ARK2N: variants seen among roughly 807,000 people sequenced by gnomAD.
ARK2N encodes the protein arkadia (RNF111) N-terminal like PKA signaling regulator 2N.
chr18:46,249,062 G>C, the ARK2N span, among the ~76,000 whole-genome samples: 5 of 152,156 alleles, frequency 3.3e-5, no homozygotes, highest in Non-Finnish European at 7.3e-5. Flanking sequence ...TTACCTGGCA[G>C]AGTCTGATCC....
the ARK2N span, among the ~76,000 whole-genome samples, chr18:46,230,252 T>C: frequency 6.6e-6 from 1 of 152,212 alleles, no homozygotes; most frequent in South Asian, 2.1e-4. Flanking sequence ...ATGTACATTT[T>C]TTACATGACT....
At chr18:46,231,566 CT>C in the ARK2N span, among the ~76,000 whole-genome samples, 3,037 of 100,660 alleles carry the variant, frequency 0.03, 30 homozygotes, top group African/African-American at 0.033. Flanking sequence ...AGGTTTGGGG[CT>C]TTTTTTTTTT....
chr18:46,255,769 A>G, the ARK2N span, among the ~76,000 whole-genome samples: 2 of 150,820 alleles, frequency 1.3e-5, no homozygotes, highest in South Asian at 4.2e-4. Context: ...TTTTTTTTTA[A>G]TGATTATTCT....
the ARK2N span, among the ~76,000 whole-genome samples, chr18:46,191,253 C>T: frequency 3.9e-5 from 6 of 152,126 alleles, no homozygotes; most frequent in Non-Finnish European, 8.8e-5. Context: ...AGACGGTCCT[C>T]AACCCATTTT....
chr18:46,243,431 C>T, the ARK2N span, among the ~76,000 whole-genome samples: 1 of 152,144 alleles, frequency 6.6e-6, no homozygotes, highest in Non-Finnish European at 1.5e-5. Flanking sequence ...AACCCAGGTC[C>T]ACAGCCCCAT....
chr18:46,230,334 T>C, the ARK2N span, among the ~76,000 whole-genome samples: 1 of 152,242 alleles, frequency 6.6e-6, no homozygotes, highest in African/African-American at 2.4e-5. Context: ...GTACTAATAA[T>C]AGTAATAAGT....
the ARK2N span, among the ~76,000 whole-genome samples, chr18:46,254,671 T>G: frequency 0.67 from 101,246 of 152,042 alleles, 34,740 homozygotes; most frequent in Non-Finnish European, 0.75. Flanking sequence ...TAATCATCGA[T>G]GTCTGTTTGT....
At chr18:46,216,577 A>G in the ARK2N span, 2 of 1,613,186 alleles carry the variant, frequency 1.2e-6, no homozygotes, top group Non-Finnish European at 1.7e-6. The surrounding 1 kb of genome is among the most constrained non-coding windows in gnomAD (Gnocchi z 4.3). Flanking sequence ...CAGCAAGACA[A>G]TCACTGCAGA....
chr18:46,216,145 T>C, the ARK2N span: 20 of 1,613,864 alleles, frequency 1.2e-5, no homozygotes, highest in Non-Finnish European at 1.6e-5. The surrounding 1 kb of genome is among the most constrained non-coding windows in gnomAD (Gnocchi z 4.3). Flanking sequence ...TGAGAGTGAC[T>C]CCTCTAATCA....
the ARK2N span, among the ~76,000 whole-genome samples, chr18:46,219,718 C>T: frequency 6.6e-6 from 1 of 152,134 alleles, no homozygotes; most frequent in African/African-American, 2.4e-5. Context: ...GATCCGCTTG[C>T]CTTGGCCTCC....
At chr18:46,251,476 C>T in the ARK2N span, among the ~76,000 whole-genome samples, 2 of 151,998 alleles carry the variant, frequency 1.3e-5, no homozygotes, top group Non-Finnish European at 2.9e-5. Context: ...TACAAACCCA[C>T]GCAAACTGTG....
At chr18:46,202,884 A>T in the ARK2N span, among the ~76,000 whole-genome samples, 1 of 152,104 alleles carries the variant, frequency 6.6e-6, no homozygotes, top group African/African-American at 2.4e-5. Context: ...AAATAGAAAT[A>T]TGTAGATCAT....
chr18:46,230,034 T>C, the ARK2N span, among the ~76,000 whole-genome samples: 1 of 152,264 alleles, frequency 6.6e-6, no homozygotes, highest in East Asian at 1.9e-4. Context: ...CAAGCGATTC[T>C]CCTGCCTCAG....
At chr18:46,226,806 C>CTTT in the ARK2N span, among the ~76,000 whole-genome samples, 4 of 133,988 alleles carry the variant, frequency 3.0e-5, no homozygotes, top group African/African-American at 8.3e-5. Flanking sequence ...ACTGGATTTA[C>CTTT]TTTTTTTTTT....
chr18:46,265,173 A>G, the ARK2N span: 3 of 152,670 alleles, frequency 2.0e-5, no homozygotes, highest in African/African-American at 4.8e-5. Flanking sequence ...GAAATGTACA[A>G]TTTCTGGTCT....
At chr18:46,213,298 C>A in the ARK2N span, among the ~76,000 whole-genome samples, 2 of 151,984 alleles carry the variant, frequency 1.3e-5, no homozygotes, top group East Asian at 3.9e-4. Flanking sequence ...CCGTGCCCAG[C>A]CTTAAGAAGA....
chr18:46,193,875 A>C, the ARK2N span, among the ~76,000 whole-genome samples: 1 of 152,144 alleles, frequency 6.6e-6, no homozygotes, highest in Non-Finnish European at 1.5e-5. Flanking sequence ...CTGGGATTAC[A>C]TGCGTGAGCC....
the ARK2N span, chr18:46,219,163 A>G: frequency 6.6e-6 from 1 of 152,220 alleles, no homozygotes; most frequent in Non-Finnish European, 1.5e-5. Flanking sequence ...GTGCATGATC[A>G]TACTTTAATT....
the ARK2N span, among the ~76,000 whole-genome samples, chr18:46,193,352 T>C: frequency 1.6e-3 from 248 of 151,130 alleles, 3 homozygotes; most frequent in African/African-American, 5.4e-3. Context: ...TGCAATGGCA[T>C]GATCTCGGCT....
Sources: allele counts gnomAD v4.1 joint callset (sites outside exome capture counted in the v4.1 genomes callset), GRCh38; gene constraint gnomAD v4.1.1; non-coding constraint Gnocchi (gnomAD v3.1); transcripts MANE v1.5; gene names NCBI Gene and HGNC (gene_info 2026-07-23, HGNC 2026-07-21).